The following ATP8A2 variants were observed in gnomAD, a reference collection of about 807,000 sequenced individuals.
ATP8A2 encodes the protein ATPase phospholipid transporting 8A2, also known as phospholipid-transporting ATPase IB.
A neutral mutation model predicts 165.6 loss-of-function variants in ATP8A2; 100 were observed. That is an observed-to-expected ratio of 0.60 (90% CI 0.51 to 0.71). ATP8A2 has a LOEUF of 0.71. ATP8A2 is among the 30% of genes least tolerant of loss of function. The probability of loss-of-function intolerance (pLI) is 0.00; values close to 1 mark genes in which losing one functional copy is unlikely to be tolerated. For synonymous variants in ATP8A2, 543 were observed against 548.8 expected (o/e 0.99, Z 0.15); for missense variants, 1,227 against 1,479.5 (o/e 0.83, Z 2.80).
At chr13:25,987,419 G>C (rs1956297010) in intron 35 of ATP8A2, among the ~76,000 whole-genome samples, 2 of 152,232 alleles carry the variant, frequency 1.3e-5, no homozygotes, top group South Asian at 4.1e-4. Flanking sequence ...ATACTGGGAA[G>C]GTTTAGCAGC....
At chr13:25,438,240 C>G (rs565741774) in intron 1 of ATP8A2, among the ~76,000 whole-genome samples, 1 of 152,222 alleles carries the variant, frequency 6.6e-6, no homozygotes, top group African/African-American at 2.4e-5. Flanking sequence ...AAACCGCCTT[C>G]TCTTATTTTC....
chr13:25,536,239 G>A (rs2038279020), intron 6 of ATP8A2, among the ~76,000 whole-genome samples: 1 of 151,628 alleles, frequency 6.6e-6, no homozygotes, highest in South Asian at 2.1e-4. Context: ...AGCCTCCCAA[G>A]TAGCTGGGAC....
Position 25,860,879 on chromosome 13 carries a change from T to C in ATP8A2, c.3075+19T>C, listed in dbSNP as rs41291650. Reference sequence around the variant, plus strand: ...GACTAAAGTAAGTTTTCTCTAGAATTGTTTCTCTGTTCAGTATAGATATTT... The same window carrying C: ...GACTAAAGTAAGTTTTCTCTAGAATCGTTTCTCTGTTCAGTATAGATATTT... On this transcript the variant is annotated intron_variant, in intron 32 of 36. Transcript: ENST00000381655. The C allele has an allele frequency of 8.0e-3, 12,366 of 1,537,948 alleles. 80 individuals carry two copies. The highest frequency in any genetic ancestry group is 9.8e-3 in the Non-Finnish European group (11,013 of 1,121,920).
intron 27 of ATP8A2, among the ~76,000 whole-genome samples, chr13:25,814,658 C>T (rs1259305665): frequency 6.9e-6 from 1 of 145,168 alleles, no homozygotes; most frequent in African/African-American, 2.5e-5. Context: ...ACGAATGAGG[C>T]TAGGAAAACT....
chr13:25,814,098 G>C (rs78647088), intron 27 of ATP8A2, among the ~76,000 whole-genome samples: 3 of 149,416 alleles, frequency 2.0e-5, no homozygotes, highest in Non-Finnish European at 4.5e-5. Flanking sequence ...CACACATACA[G>C]ACACACACAC....
At chr13:25,578,645 C>T (rs2039685945) in intron 20 of ATP8A2, among the ~76,000 whole-genome samples, 170 bp from the exon 21 acceptor site, 1 of 152,098 alleles carries the variant, frequency 6.6e-6, no homozygotes, top group Non-Finnish European at 1.5e-5. Flanking sequence ...CATTCATACC[C>T]AATTTGTTTT....
chr13:25,440,195 T>C (rs1328866806), intron 1 of ATP8A2, among the ~76,000 whole-genome samples: 1 of 152,154 alleles, frequency 6.6e-6, no homozygotes, highest in Non-Finnish European at 1.5e-5. Context: ...CCAGTAATTT[T>C]CTCACAGGCT....
chr13:25,778,993 G>T (rs1257602965), intron 27 of ATP8A2, among the ~76,000 whole-genome samples: 1 of 152,152 alleles, frequency 6.6e-6, no homozygotes. Flanking sequence ...CAAACAGATG[G>T]TGGTGATGGT....
chr13:25,884,667 G>C (rs1281552363), intron 33 of ATP8A2, among the ~76,000 whole-genome samples: 1 of 152,322 alleles, frequency 6.6e-6, no homozygotes, highest in African/African-American at 2.4e-5. Context: ...GCTGCTCTGA[G>C]CTCTTCAACT....
At chr13:25,468,919 C>G in intron 1 of ATP8A2, 58 bp from the exon 2 acceptor site, 1 of 1,584,786 alleles carries the variant, frequency 6.3e-7, no homozygotes, top group Non-Finnish European at 8.6e-7. Flanking sequence ...CTCGCAGCCT[C>G]CCGCCTGGCG....
chr13:25,721,114 A>G (rs1024854146), intron 25 of ATP8A2, among the ~76,000 whole-genome samples: 1 of 151,728 alleles, frequency 6.6e-6, no homozygotes, highest in Non-Finnish European at 1.5e-5. Context: ...TGCCACCACA[A>G]ATGGCTCATT....
At chr13:25,557,895 T>A (rs561205261) in intron 13 of ATP8A2, among the ~76,000 whole-genome samples, 4 of 152,120 alleles carry the variant, frequency 2.6e-5, no homozygotes, top group South Asian at 4.2e-4. Context: ...TATTATAAAA[T>A]GTTCATTAAA....
At chr13:25,925,865 C>CT (rs574956457) in intron 33 of ATP8A2, among the ~76,000 whole-genome samples, 159 of 151,768 alleles carry the variant, frequency 1.0e-3, no homozygotes, top group African/African-American at 3.6e-3. Context: ...GTAGCTGGGA[C>CT]TACAGGCGCG....
chr13:25,698,710 A>G (rs777718097), intron 24 of ATP8A2, among the ~76,000 whole-genome samples: 7 of 152,290 alleles, frequency 4.6e-5, no homozygotes, highest in Non-Finnish European at 4.4e-5. Flanking sequence ...TACGCTGGCA[A>G]TGCATGGAGA....
rs1272443513 is a variant in ATP8A2, at chr13:25,476,197, T to C, written c.221+7076T>C. ...AAGAATTCTCCTCTAAATGTTTTAATGCTGCAGAATTTATGTAGGATCTGG... is the reference window on the plus strand; with the variant it reads ...AAGAATTCTCCTCTAAATGTTTTAACGCTGCAGAATTTATGTAGGATCTGG... On this transcript the variant is annotated intron_variant, in intron 2 of 36. Transcript: ENST00000381655. Among the ~76,000 whole-genome samples, 3 of 152,218 alleles carry C rather than the reference T, an allele frequency of 2.0e-5. No individual in the cohort carries two copies. In the South Asian group the frequency reaches 6.2e-4, roughly 32 times the overall value.
At chr13:25,444,682 G>T (rs1291650668) in intron 1 of ATP8A2, among the ~76,000 whole-genome samples, 1 of 149,940 alleles carries the variant, frequency 6.7e-6, no homozygotes, top group African/African-American at 2.5e-5. Context: ...GTCTCACTGT[G>T]TCGCCCAGGC....
intron 1 of ATP8A2, among the ~76,000 whole-genome samples, chr13:25,409,170 C>T (rs184634520): frequency 6.6e-6 from 1 of 152,132 alleles, no homozygotes; most frequent in African/African-American, 2.4e-5. Context: ...TCTTCTCAGC[C>T]CTGGTACATG....
At chr13:25,862,907 G>A (rs1277592903) in intron 33 of ATP8A2, among the ~76,000 whole-genome samples, 3 of 152,184 alleles carry the variant, frequency 2.0e-5, no homozygotes, top group Non-Finnish European at 4.4e-5. Context: ...TTGAACTAGA[G>A]AGGCTGAGAT....
At chr13:25,641,801 T>A (rs2041529741) in intron 24 of ATP8A2, among the ~76,000 whole-genome samples, 1 of 151,584 alleles carries the variant, frequency 6.6e-6, no homozygotes. Context: ...GCCAAGTCAA[T>A]CCTAAGCCAA....
Sources: gnomAD v4.1 joint callset for allele counts (sites outside exome capture counted in the v4.1 genomes callset) on GRCh38, gnomAD v4.1.1 for gene constraint, MANE v1.5 for transcripts, NCBI Gene and HGNC (gene_info 2026-07-23, HGNC 2026-07-21) for gene names.